Variants in NBAS observed in about 807,000 individuals in gnomAD.
NBAS encodes NAG/BC035112 fusion.
Under a neutral mutation model 302.5 loss-of-function variants are expected in NBAS, and 219 were observed. The observed-to-expected ratio is 0.72, with a 90% CI of 0.65 to 0.81. The LOEUF (loss-of-function observed/expected upper bound fraction) is 0.81, where lower values mean the gene tolerates loss of function less well. Among genes scored for constraint, NBAS ranks in the 30% least tolerant of loss-of-function variants. NBAS has a pLI of 0.00. For synonymous variants in NBAS, 1,118 were observed against 1,021.6 expected, an observed-to-expected ratio of 1.09 and a Z score of -1.80; for missense variants, 2,932 against 2,841.6, an observed-to-expected ratio of 1.03 and a Z score of -0.72.
intron 49 of NBAS, among the ~76,000 whole-genome samples, chr2:15,188,849 G>A (rs143363051): frequency 1.9e-3 from 293 of 152,232 alleles, no homozygotes; most frequent in African/African-American, 6.6e-3. Context: ...GGGAAATGAG[G>A]GTTAAGAAGA....
the NBAS span, among the ~76,000 whole-genome samples, chr2:14,944,469 T>G: frequency 6.6e-6 from 1 of 152,196 alleles, no homozygotes. Flanking sequence ...GTAAGAAGCA[T>G]ACACAGGATC....
intron 51 of NBAS, among the ~76,000 whole-genome samples, chr2:15,178,598 C>A (rs1252122169): frequency 6.6e-6 from 1 of 152,190 alleles, no homozygotes; most frequent in Non-Finnish European, 1.5e-5. Flanking sequence ...GATAACCTAA[C>A]ACACACATCC....
chr2:15,186,989 T>C, intron 49 of NBAS, 109 bp from the exon 50 acceptor site: 1 of 1,466,508 alleles, frequency 6.8e-7, no homozygotes, highest in East Asian at 2.3e-5. Flanking sequence ...AATCAGAATC[T>C]AGGTGACGTG....
chr2:14,926,408 C>T, the NBAS span, among the ~76,000 whole-genome samples: 1 of 152,184 alleles, frequency 6.6e-6, no homozygotes, highest in Non-Finnish European at 1.5e-5. Flanking sequence ...GGTTCCAACA[C>T]AGTCTCCACT....
At chr2:15,029,333 A>G in the NBAS span, among the ~76,000 whole-genome samples, 57 of 152,312 alleles carry the variant, frequency 3.7e-4, no homozygotes, top group African/African-American at 1.4e-3. Flanking sequence ...TCTCAGAACC[A>G]TAATTGCATT....
At chr2:14,950,142 T>C in the NBAS span, among the ~76,000 whole-genome samples, 230 of 152,272 alleles carry the variant, frequency 1.5e-3, no homozygotes, top group African/African-American at 4.7e-3. Context: ...ACCATATATG[T>C]TGTCTTTTAT....
chr2:15,178,002 G>A (rs1360172539), intron 51 of NBAS: 3 of 345,382 alleles, frequency 8.7e-6, no homozygotes, highest in Middle Eastern at 3.8e-4. Context: ...ATTATATTCT[G>A]CTTTCTGTAA....
At chr2:15,355,234 G>T (rs1673556065) in intron 33 of NBAS, among the ~76,000 whole-genome samples, 1 of 152,176 alleles carries the variant, frequency 6.6e-6, no homozygotes, top group South Asian at 2.1e-4. Flanking sequence ...TGGGTAGAAA[G>T]ATGTGTTTGG....
chr2:15,332,356 T>C (rs955021573), intron 35 of NBAS, among the ~76,000 whole-genome samples: 4 of 152,062 alleles, frequency 2.6e-5, no homozygotes, highest in African/African-American at 9.7e-5. Flanking sequence ...AGCTGCAAAG[T>C]TTGTGGTAAT....
At chr2:14,826,367 T>C in the NBAS span, among the ~76,000 whole-genome samples, 1 of 152,250 alleles carries the variant, frequency 6.6e-6, no homozygotes, top group Non-Finnish European at 1.5e-5. Flanking sequence ...ACAAAATAAA[T>C]ATATAAGTAA....
intron 50 of NBAS, among the ~76,000 whole-genome samples, chr2:15,182,870 C>T (rs1572408467): frequency 6.6e-6 from 1 of 152,010 alleles, no homozygotes. Flanking sequence ...GCAGGAGTCA[C>T]GAAGGCATTC....
At chr2:14,973,583 A>G in the NBAS span, among the ~76,000 whole-genome samples, 1 of 152,248 alleles carries the variant, frequency 6.6e-6, no homozygotes, top group Non-Finnish European at 1.5e-5. Context: ...ATTGACACAC[A>G]CAAAGAAGCA....
chr2:15,435,772 T>C (rs1677980118), intron 21 of NBAS, among the ~76,000 whole-genome samples: 1 of 152,214 alleles, frequency 6.6e-6, no homozygotes, highest in Non-Finnish European at 1.5e-5. Context: ...GACAACCATG[T>C]GGCATTTAAT....
At chr2:15,408,521 T>C (rs1486692045) in intron 25 of NBAS, among the ~76,000 whole-genome samples, 1 of 152,210 alleles carries the variant, frequency 6.6e-6, no homozygotes, top group African/African-American at 2.4e-5. Context: ...ATAATTTCCT[T>C]CTTCATGAAG....
the NBAS span, among the ~76,000 whole-genome samples, chr2:14,810,373 T>C: frequency 3.9e-5 from 6 of 152,194 alleles, no homozygotes; most frequent in Admixed American, 1.3e-4. Context: ...GTTCTTATGA[T>C]AGTGAATAAG....
At chr2:15,002,385 C>T in the NBAS span, among the ~76,000 whole-genome samples, 1 of 152,190 alleles carries the variant, frequency 6.6e-6, no homozygotes, top group Non-Finnish European at 1.5e-5. Flanking sequence ...ATTTACAATC[C>T]CTGAGCTGGA....
At chr2:15,185,675 G>A (rs1028543271) in intron 50 of NBAS, among the ~76,000 whole-genome samples, 10 of 152,136 alleles carry the variant, frequency 6.6e-5, no homozygotes, top group South Asian at 2.1e-4. Context: ...CTTTACTAGA[G>A]TAAGGGGAGG....
chr2:15,274,623 G>A (rs1452448436), intron 44 of NBAS, among the ~76,000 whole-genome samples: 2 of 152,108 alleles, frequency 1.3e-5, no homozygotes, highest in Non-Finnish European at 2.9e-5. Context: ...TTCTGAGTGA[G>A]GCTACACATT....
chr2:15,103,474 T>G, the NBAS span, among the ~76,000 whole-genome samples: 1 of 152,150 alleles, frequency 6.6e-6, no homozygotes, highest in African/African-American at 2.4e-5. Context: ...ACTCACTGTT[T>G]GTCCTACACT....
Sources: gnomAD v4.1 joint callset for allele counts (sites outside exome capture counted in the v4.1 genomes callset) on GRCh38, gnomAD v4.1.1 for gene constraint, MANE v1.5 for transcripts, NCBI Gene and HGNC (gene_info 2026-07-23, HGNC 2026-07-21) for gene names.